The following KCNQ5 variants were observed in gnomAD, a reference collection of about 807,000 sequenced individuals.
The protein encoded by KCNQ5 is potassium voltage-gated channel subfamily Q member 5, also known as potassium voltage-gated channel subfamily KQT member 5.
In KCNQ5, 30 loss-of-function variants were observed where a neutral mutation model predicts 98.2. The observed-to-expected ratio is 0.31, with a 90% CI of 0.23 to 0.41. The LOEUF (loss-of-function observed/expected upper bound fraction) is 0.41. Among genes scored for constraint, KCNQ5 ranks in the 10% least tolerant of loss-of-function variants. The pLI is 1.00. For missense variants in KCNQ5, 835 were observed against 1,182.5 expected (o/e 0.71, Z 4.31); for synonymous variants, 458 against 449.4 (o/e 1.02, Z -0.24).
chr6:72,676,808 T>C (rs2154473591), intron 1 of KCNQ5, among the ~76,000 whole-genome samples: 1 of 147,806 alleles, frequency 6.8e-6, no homozygotes, highest in East Asian at 1.9e-4. Context: ...CTTCATTGTA[T>C]TTTCCTTCAA....
intron 2 of KCNQ5, among the ~76,000 whole-genome samples, chr6:73,037,977 C>A (rs934868203): frequency 6.6e-6 from 1 of 152,054 alleles, no homozygotes; most frequent in Admixed American, 6.5e-5. Flanking sequence ...GAATTGACAT[C>A]TTTGCTATGA....
In KCNQ5 at chr6:72,814,046, A is replaced by C. The variant is rs566560715; in HGVS notation, c.399-189862A>C. 2.0e-5 allele frequency among the ~76,000 whole-genome samples: 3 copies of C among 152,250 alleles called. No homozygotes were observed. The East Asian group carries it at 5.8e-4, about 29-fold the overall frequency. On this transcript the variant is annotated intron_variant, in intron 1 of 13. Transcript: ENST00000370398. ...AGCCTATGGGGCCAGGCAGGATCAG[A>C]GGAGGAAAGAGGGCAAGCAGGACTT...
chr6:72,865,954 TAGAC>T lies in KCNQ5; in HGVS notation c.399-137948_399-137945del, dbSNP rs1451483391. On this transcript the variant is annotated intron_variant, in intron 1 of 13. Coordinates refer to ENST00000370398, the MANE Select transcript of KCNQ5 (RefSeq NM_019842.4). ...ATACTGCCTGTGTCAACTTGCCTGGTAGACAGACAAACATTTTATTGAACATATA... is the reference window on the plus strand; with the variant it reads ...ATACTGCCTGTGTCAACTTGCCTGGTAGACAAACATTTTATTGAACATATA... 2.6e-5 allele frequency among the ~76,000 whole-genome samples: 4 copies of T among 152,316 alleles called. No individual in the cohort carries two copies. The East Asian group carries it at 5.8e-4, about 22-fold the overall frequency.
intron 1 of KCNQ5, among the ~76,000 whole-genome samples, chr6:72,874,853 A>G (rs1778349658): frequency 6.6e-6 from 1 of 152,228 alleles, no homozygotes; most frequent in South Asian, 2.1e-4. Flanking sequence ...TTACATCTGT[A>G]CAAAATGGAA....
intron 1 of KCNQ5, among the ~76,000 whole-genome samples, chr6:72,764,866 T>G (rs1268606787): frequency 2.0e-5 from 3 of 152,002 alleles, no homozygotes; most frequent in Non-Finnish European, 4.4e-5. Context: ...AGTGAGAACA[T>G]GCAATGTTTG....
At chr6:72,984,011 C>G (rs979025378) in intron 1 of KCNQ5, among the ~76,000 whole-genome samples, 1 of 152,202 alleles carries the variant, frequency 6.6e-6, no homozygotes, top group Non-Finnish European at 1.5e-5. Context: ...CTGGGTGTCA[C>G]CAGTGGAGGC....
intron 1 of KCNQ5, among the ~76,000 whole-genome samples, chr6:72,626,617 AT>A (rs1323297152): frequency 6.6e-6 from 1 of 152,242 alleles, no homozygotes; most frequent in Non-Finnish European, 1.5e-5. Flanking sequence ...AGTTCAGCAA[AT>A]AAATTGGAGT....
intron 1 of KCNQ5, among the ~76,000 whole-genome samples, chr6:72,969,756 G>C (rs1416623680): frequency 6.6e-6 from 1 of 152,020 alleles, no homozygotes; most frequent in African/African-American, 2.4e-5. Flanking sequence ...TACAGAATTA[G>C]TCAACTATTG....
chr6:73,116,816 C>T (rs573924793), intron 7 of KCNQ5, among the ~76,000 whole-genome samples: 162 of 152,294 alleles, frequency 1.1e-3, no homozygotes, highest in African/African-American at 3.6e-3. Flanking sequence ...CTAAAACTTT[C>T]AGGACTTTCA....
intron 1 of KCNQ5, among the ~76,000 whole-genome samples, chr6:72,815,119 G>A (rs1010089216): frequency 6.6e-6 from 1 of 152,042 alleles, no homozygotes; most frequent in African/African-American, 2.4e-5. Flanking sequence ...AGTGCTTGGG[G>A]TTTTAGAAGA....
At chr6:72,800,348 T>C (rs1236609333) in intron 1 of KCNQ5, among the ~76,000 whole-genome samples, 1 of 152,226 alleles carries the variant, frequency 6.6e-6, no homozygotes, top group Non-Finnish European at 1.5e-5. Flanking sequence ...CCTGGTTTAG[T>C]CTTGGGAGGG....
chr6:72,910,703 T>G (rs906068460), intron 1 of KCNQ5, among the ~76,000 whole-genome samples: 3 of 151,952 alleles, frequency 2.0e-5, no homozygotes, highest in Non-Finnish European at 4.4e-5. Context: ...ACCCTTGCAC[T>G]CTAAATTTTG....
intron 1 of KCNQ5, among the ~76,000 whole-genome samples, chr6:72,793,033 A>T (rs1012466283): frequency 1.3e-5 from 2 of 152,140 alleles, no homozygotes; most frequent in Non-Finnish European, 2.9e-5. Context: ...GATTGTTACA[A>T]CGTCTGAGCA....
intron 5 of KCNQ5, among the ~76,000 whole-genome samples, chr6:73,090,720 A>G (rs1774210752): frequency 6.6e-6 from 1 of 152,180 alleles, no homozygotes; most frequent in Non-Finnish European, 1.5e-5. Flanking sequence ...ATTATGAAAA[A>G]ATGCTCATCA....
intron 11 of KCNQ5, among the ~76,000 whole-genome samples, chr6:73,177,217 A>G (rs960042631): frequency 2.0e-5 from 3 of 152,238 alleles, no homozygotes; most frequent in African/African-American, 7.2e-5. Context: ...GTAGAAGGAA[A>G]AGGGTTTGAA....
chr6:72,747,461 G>A (rs1410655265), intron 1 of KCNQ5, among the ~76,000 whole-genome samples: 1 of 152,036 alleles, frequency 6.6e-6, no homozygotes, highest in African/African-American at 2.4e-5. Context: ...ACACAAAATC[G>A]GATAAAAATT....
chr6:73,128,374 A>C (rs1182459146), intron 9 of KCNQ5, among the ~76,000 whole-genome samples: 1 of 152,226 alleles, frequency 6.6e-6, no homozygotes, highest in African/African-American at 2.4e-5. Context: ...TGGAAAAGTC[A>C]TTTTTAAAAT....
intron 1 of KCNQ5, among the ~76,000 whole-genome samples, chr6:72,757,358 C>T (rs998797884): frequency 6.6e-6 from 1 of 152,110 alleles, no homozygotes; most frequent in African/African-American, 2.4e-5. Context: ...AAAATGTATA[C>T]AGATGCTCCT....
intron 1 of KCNQ5, among the ~76,000 whole-genome samples, chr6:72,774,932 A>T (rs1425394422): frequency 6.6e-6 from 1 of 152,196 alleles, no homozygotes; most frequent in East Asian, 1.9e-4. Flanking sequence ...AGGTGATCAT[A>T]GGTGTCCTTT....
Sources: gnomAD v4.1 joint callset for allele counts (sites outside exome capture counted in the v4.1 genomes callset) on GRCh38, gnomAD v4.1.1 for gene constraint, MANE v1.5 for transcripts, NCBI Gene and HGNC (gene_info 2026-07-23, HGNC 2026-07-21) for gene names.